Variants in TICRR observed in about 807,000 individuals in gnomAD.
The protein encoded by TICRR is TOPBP1 interacting checkpoint and replication regulator.
In TICRR, 132 loss-of-function variants were observed where a neutral mutation model predicts 178.1. The ratio of observed to expected loss-of-function variants is 0.74; its 90% CI spans 0.64 to 0.86. The LOEUF (loss-of-function observed/expected upper bound fraction) is 0.86, where lower values mean the gene tolerates loss of function less well. Among genes scored for constraint, TICRR ranks in the 40% least tolerant of loss-of-function variants. The pLI, the probability that TICRR is intolerant of heterozygous loss-of-function variation, is 0.00. For synonymous variants in TICRR, 991 were observed against 900.7 expected (o/e 1.10, Z -1.79); for missense variants, 2,587 against 2,334.3 (o/e 1.11, Z -2.23).
rs1421460598 is a variant in TICRR at position 89,624,945 on chromosome 15, A to C, written c.4635A>C (p.Ala1545=). The C allele has an allele frequency of 1.2e-6, 2 of 1,613,998 alleles. No individual in the cohort carries two copies. Among genetic ancestry groups the C allele is most frequent in the African/African-American group, 2.7e-5 (2 of 74,926 alleles). The change falls in exon 20 of 22, where the codon GCA becomes GCC. Residue 1545 remains alanine, a synonymous_variant. Coordinates refer to ENST00000268138, the MANE Select transcript of TICRR (RefSeq NM_152259.4). The part of the protein sequence containing the change: ...QASAQLDNLP[A]SAWHSTDSAS... ...CGGCACAACTAGACAACCTGCCAGC[A>C]TCAGCTTGGCATTCCACAGACTCTG...
At chr15:89,597,466 A>G (rs1034306194) in intron 7 of TICRR, among the ~76,000 whole-genome samples, 1 of 151,172 alleles carries the variant, frequency 6.6e-6, no homozygotes, top group Non-Finnish European at 1.5e-5. Context: ...CAGAGGTTGC[A>G]GTGAGCCGAG....
intron 7 of TICRR, among the ~76,000 whole-genome samples, chr15:89,597,697 C>G (rs181925969): frequency 3.3e-4 from 50 of 152,204 alleles, no homozygotes; most frequent in Non-Finnish European, 6.6e-4. Flanking sequence ...TTGTTTTTCT[C>G]ATTCAATATT....
chr15:89,609,047 T>G, intron 15 of TICRR, 98 bp downstream of exon 15: 1 of 1,140,998 alleles, frequency 8.8e-7, no homozygotes, highest in South Asian at 1.7e-5. Flanking sequence ...AATTTGAGTC[T>G]TCTTCCCTCT....
In TICRR at chr15:89,599,409, A is replaced by G. The variant is rs750564968; in HGVS notation, c.1986A>G (p.Ala662=). The G allele has an allele frequency of 4.5e-5, 73 of 1,613,932 alleles. No individual in the cohort carries two copies. The highest frequency in any genetic ancestry group is 6.2e-5 in the Non-Finnish European group (73 of 1,179,954). Residue 662 remains alanine (A), a synonymous_variant, in exon 8 of 22, where the codon GCA becomes GCG. Transcript: ENST00000268138. ...TVATGEIMLY[A]CARNMISTVK... ...CCACAGGAGAAATCATGTTGTATGC[A>G]TGTGCTCGAAACATGATCTCAACCG...
At chr15:89,626,478 C>T (rs949406150) in intron 21 of TICRR, among the ~76,000 whole-genome samples, 10 of 152,168 alleles carry the variant, frequency 6.6e-5, no homozygotes, top group Admixed American at 5.2e-4. Context: ...AATCAGCCTG[C>T]AGGCTCTAGG....
chr15:89,587,166 T>A (rs941081067), intron 4 of TICRR, among the ~76,000 whole-genome samples: 31 of 152,000 alleles, frequency 2.0e-4, no homozygotes, highest in African/African-American at 6.8e-4. Context: ...TGAAAGTGAC[T>A]CCAGAGACTT....
intron 16 of TICRR, among the ~76,000 whole-genome samples, chr15:89,617,689 C>CTTT (rs35732953): frequency 1.8e-3 from 179 of 98,760 alleles, no homozygotes; most frequent in Admixed American, 5.1e-3. Flanking sequence ...ACCCAGCTAT[C>CTTT]TTTTTTTTTT....
intron 16 of TICRR, 108 bp from the exon 17 acceptor site, chr15:89,618,044 C>G (rs1037438643): frequency 1.7e-6 from 2 of 1,152,016 alleles, no homozygotes; most frequent in South Asian, 1.2e-5. Flanking sequence ...CTGGTGTTAT[C>G]AGACCCTGTG....
In TICRR at chr15:89,585,863, C is replaced by T; in HGVS notation, c.1332C>T (p.Asp444=). ...CAGCTGTGGCTGACAGCCCCCGGGA[C>T]ACAGCTTCCCTTTTCTCAGATGTTG... ...LQTAVADSPR[D]TASLFSDVVD... Residue 444 remains aspartate (D), a synonymous_variant, in exon 4 of 22, where the codon GAC becomes GAT. Transcript: ENST00000268138. 1 of 1,614,142 alleles carries T rather than the reference C, an allele frequency of 6.2e-7. No homozygotes were observed. The highest frequency in any genetic ancestry group is 8.5e-7 in the Non-Finnish European group (1 of 1,180,022).
chr15:89,602,957 T>C (rs987761572), intron 13 of TICRR, 65 bp downstream of exon 13: 2 of 825,240 alleles, frequency 2.4e-6, no homozygotes, highest in Non-Finnish European at 3.5e-6. Context: ...GTCCCTACTT[T>C]TAGGAAAATG....
At position 89,624,358 on chromosome 15, in the gene TICRR, G is replaced by C; in HGVS notation, c.4048G>C (p.Ala1350Pro). The change falls in exon 20 of 22, where the codon GCT becomes CCT. Residue 1350 changes from alanine to proline, a missense_variant. Ala to Pro is a conservative substitution (Grantham distance 27). Transcript: ENST00000268138. ...AGAGCCCCAGATGTCACCCAGCGTA[G>C]CTGCATCTCTCTCCTGCCCTGTTCC... is the stretch of plus-strand genomic sequence containing the variant. ...QKEPQMSPSV[A>P]ASLSCPVPST... 9 of 1,614,140 alleles carry C rather than the reference G, an allele frequency of 5.6e-6. No individual in the cohort carries two copies. The highest frequency in any genetic ancestry group is 7.6e-6 in the Non-Finnish European group (9 of 1,180,008).
rs1171414287 is a variant in TICRR at position 89,624,314 on chromosome 15, C to T, written c.4004C>T (p.Pro1335Leu). 1.9e-6 allele frequency: 3 copies of T among 1,614,064 alleles called. No homozygotes were observed. The highest frequency in any genetic ancestry group is 2.5e-6 in the Non-Finnish European group (3 of 1,180,054). ...FRKSKIECPSPGELDQKEPQM... is the reference protein window; with the variant it reads ...FRKSKIECPSLGELDQKEPQM... ...AAATCTAAAATAGAGTGTCCTTCCC[C>T]AGGAGAACTGGATCAGAAAGAGCCC... The change falls in exon 20 of 22, where the codon CCA becomes CTA. Residue 1335 changes from proline to leucine, a missense_variant. Physicochemically the swap from Pro to Leu is moderately conservative, Grantham distance 98. Transcript: ENST00000268138.
At position 89,627,395 on chromosome 15, in the gene TICRR, CAG is replaced by C. The variant is rs1567055256; in HGVS notation, c.*310_*311del. 2 of 343,370 alleles carry C rather than the reference CAG, an allele frequency of 5.8e-6. No individual in the cohort carries two copies. The highest frequency in any genetic ancestry group is 2.1e-5 in the African/African-American group (1 of 48,448). 21.3% of individuals were successfully genotyped at this position (343,370 alleles called of 1,614,324 possible). A position where few individuals can be genotyped will look rare whatever the true frequency, so the allele number is the denominator to read the frequency against. ...CACCCCAACCATGACCTTGGCAAGTCAGGGGGCCACTCTGCCTCATTTATGCA... is the reference window on the plus strand; with the variant it reads ...CACCCCAACCATGACCTTGGCAAGTCGGGGCCACTCTGCCTCATTTATGCA... On this transcript the variant is annotated 3_prime_UTR_variant, in exon 22 of 22. Transcript: ENST00000268138.
intron 13 of TICRR, among the ~76,000 whole-genome samples, chr15:89,605,859 C>A (rs1031432242): frequency 2.0e-5 from 3 of 151,828 alleles, no homozygotes; most frequent in Non-Finnish European, 2.9e-5. Flanking sequence ...TTTAAAAAAA[C>A]AGTTTCCTTG....
chr15:89,625,745 G>T lies in TICRR; in HGVS notation c.5435G>T (p.Trp1812Leu), dbSNP rs1963510999. The change falls in exon 20 of 22, where the codon TGG becomes TTG. Residue 1812 changes from tryptophan to leucine, a missense_variant. Trp to Leu is a moderately conservative substitution (Grantham distance 61). Coordinates refer to ENST00000268138, the MANE Select transcript of TICRR (RefSeq NM_152259.4). Reference sequence around the variant, plus strand: ...GAGGGGTCTCCAAGTTGGAGTGCATGGCAGCTACCCTCCACGGGAGACGAA... The same window carrying T: ...GAGGGGTCTCCAAGTTGGAGTGCATTGCAGCTACCCTCCACGGGAGACGAA... ...SKEGSPSWSAWQLPSTGDEEV... is the reference protein window; with the variant it reads ...SKEGSPSWSALQLPSTGDEEV... The T allele has an allele frequency of 6.2e-7, 1 of 1,612,654 alleles. No individual in the cohort carries two copies. Among genetic ancestry groups the T allele is most frequent in the African/African-American group, 1.3e-5 (1 of 74,900 alleles).
At chr15:89,610,192 G>A (rs979259863) in intron 15 of TICRR, among the ~76,000 whole-genome samples, 1 of 152,192 alleles carries the variant, frequency 6.6e-6, no homozygotes, top group South Asian at 2.1e-4. Context: ...TGAGAAGAAT[G>A]TGAAGCATTC....
Position 89,601,495 on chromosome 15 carries a change from G to A in TICRR, c.2254G>A (p.Asp752Asn). The A allele has an allele frequency of 1.2e-6, 2 of 1,614,218 alleles. No homozygotes were observed. The highest frequency in any genetic ancestry group is 1.7e-6 in the Non-Finnish European group (2 of 1,180,028). Residue 752 changes from aspartate to asparagine, a missense_variant, in exon 11 of 22, where the codon GAT becomes AAT. Coordinates refer to ENST00000268138, the MANE Select transcript of TICRR (RefSeq NM_152259.4). Reference sequence around the variant, plus strand: ...GTTCTAAAATCTCCTTCAGGTGACAGATTTGCTGCGCATGGTGTGTTTAAC... The same window carrying A: ...GTTCTAAAATCTCCTTCAGGTGACAAATTTGCTGCGCATGGTGTGTTTAAC... ...DMEQVVEEVT[D>N]LLRMVCLTED...
At chr15:89,602,737 T>G (rs1444054873) in intron 12 of TICRR, 59 bp from the exon 13 acceptor site, 1 of 818,966 alleles carries the variant, frequency 1.2e-6, no homozygotes. Context: ...CAGTTCCATT[T>G]GAATTTAACT....
Position 89,601,742 on chromosome 15 carries a change from T to C in TICRR, c.2333T>C (p.Ile778Thr). The stretch of plus-strand genomic sequence containing the variant: ...TCGATCAATCTGTTCCACAGGTATA[T>C]TGACTCTATCCCAAAGACACTTGGA... The part of the protein sequence containing the change: ...EFLEEILRLY[I>T]DSIPKTLGNL... The change falls in exon 12 of 22, where the codon ATT (isoleucine) becomes ACT (threonine). Residue 778 changes from isoleucine to threonine, a missense_variant. Ile to Thr is a moderately conservative substitution (Grantham distance 89). Coordinates refer to ENST00000268138, the MANE Select transcript of TICRR (RefSeq NM_152259.4). 1.2e-6 allele frequency: 2 copies of C among 1,614,198 alleles called. No individual in the cohort carries two copies. The highest frequency in any genetic ancestry group is 8.5e-7 in the Non-Finnish European group (1 of 1,180,008).
Sources: allele counts gnomAD v4.1 joint callset (sites outside exome capture counted in the v4.1 genomes callset), GRCh38; gene constraint gnomAD v4.1.1; transcripts MANE v1.5; gene names NCBI Gene and HGNC (gene_info 2026-07-23, HGNC 2026-07-21).